The following RERE variants were observed in gnomAD, a reference collection of about 807,000 sequenced individuals.
RERE encodes arginine-glutamic acid dipeptide repeats.
RERE carries 40 observed loss-of-function variants against 146.1 expected under a neutral mutation model. The ratio of observed to expected loss-of-function variants is 0.27; its 90% CI spans 0.21 to 0.36. The LOEUF (loss-of-function observed/expected upper bound fraction) is 0.36. Among genes scored for constraint, RERE ranks in the 10% least tolerant of loss-of-function variants. RERE has a pLI of 1.00. For synonymous variants in RERE, 1,003 were observed against 866.0 expected (o/e 1.16, Z -2.78); for missense variants, 1,933 against 2,138.7 (o/e 0.90, Z 1.90).
intron 11 of RERE, among the ~76,000 whole-genome samples, chr1:8,462,866 C>A (rs781723349): frequency 2.0e-5 from 3 of 151,974 alleles, no homozygotes; most frequent in South Asian, 4.2e-4. Context: ...TAGCAAGACC[C>A]CCATCTCTTA....
intron 4 of RERE, among the ~76,000 whole-genome samples, chr1:8,604,764 C>CA (rs35416377): frequency 0.01 from 1,554 of 148,752 alleles, 13 homozygotes; most frequent in Non-Finnish European, 0.014. Flanking sequence ...ACGAACTTGC[C>CA]AAAAAAAAAC....
At chr1:8,450,419 C>T (rs1644377041) in intron 11 of RERE, among the ~76,000 whole-genome samples, 2 of 151,928 alleles carry the variant, frequency 1.3e-5, no homozygotes, top group African/African-American at 4.8e-5. Flanking sequence ...CTCCATGGGA[C>T]CTAAATGACC....
chr1:8,456,572 C>T (rs1348879805), intron 11 of RERE, among the ~76,000 whole-genome samples: 1 of 152,160 alleles, frequency 6.6e-6, no homozygotes, highest in Non-Finnish European at 1.5e-5. Context: ...TAGGAGAAAA[C>T]AGAACAGCCC....
chr1:8,679,444 G>C (rs1313367608), intron 1 of RERE, among the ~76,000 whole-genome samples: 2 of 152,126 alleles, frequency 1.3e-5, no homozygotes, highest in Non-Finnish European at 2.9e-5. Flanking sequence ...TAGAATCACA[G>C]GTTCCATTAT....
At chr1:8,598,139 G>T (rs900230070) in intron 4 of RERE, among the ~76,000 whole-genome samples, 1 of 152,208 alleles carries the variant, frequency 6.6e-6, no homozygotes. Flanking sequence ...GTGACAGAAT[G>T]CAAGTGTGTA....
rs12060282 is a variant in RERE, at chr1:8,638,783, A to T, written c.326-14403T>A. ...GAAGGAAACTCATAGACGAAAAAAA[A>T]TTTTTTTTTTTTTTTTTTTTTTTTT... On this transcript the variant is annotated intron_variant, in intron 2 of 22. Transcript: ENST00000400908. Among the ~76,000 whole-genome samples, 349 of 100,380 alleles carry T rather than the reference A, an allele frequency of 3.5e-3. 1 individual carries two copies. The highest frequency in any genetic ancestry group is 0.013 in the African/African-American group (308 of 23,902). The allele number at this position is 100,380 out of a possible 152,430, so 65.9% of individuals were successfully genotyped here.
intron 12 of RERE, among the ~76,000 whole-genome samples, chr1:8,388,135 T>C (rs566126974): frequency 4.6e-5 from 7 of 152,266 alleles, no homozygotes; most frequent in African/African-American, 9.6e-5. Context: ...ACATTTTTCC[T>C]CCATGACTCC....
At chr1:8,684,907 G>A (rs372510498) in intron 1 of RERE, among the ~76,000 whole-genome samples, 1 of 152,302 alleles carries the variant, frequency 6.6e-6, no homozygotes, top group African/African-American at 2.4e-5. Flanking sequence ...GATCCAGGCT[G>A]GAGTGCAGTG....
chr1:8,576,633 G>A (rs1646298525), intron 4 of RERE, among the ~76,000 whole-genome samples: 1 of 152,176 alleles, frequency 6.6e-6, no homozygotes, highest in Non-Finnish European at 1.5e-5. Flanking sequence ...AGATTGAAAT[G>A]TAAAGAATAA....
At chr1:8,373,029 C>T (rs1449875807) in intron 12 of RERE, among the ~76,000 whole-genome samples, 1 of 152,172 alleles carries the variant, frequency 6.6e-6, no homozygotes, top group Admixed American at 6.5e-5. Context: ...CACAGGTCTT[C>T]GAAGCCCACC....
At chr1:8,407,004 ACT>A (rs757599016) in intron 12 of RERE, among the ~76,000 whole-genome samples, 206 of 152,270 alleles carry the variant, frequency 1.4e-3, no homozygotes, top group Non-Finnish European at 2.2e-3. Context: ...ATCAAGAATA[ACT>A]CTGGTTAGAA....
rs191594120 is a variant in RERE, at chr1:8,561,165, C to A, written c.523-3642G>T. Among the ~76,000 whole-genome samples, 150 of 152,284 alleles carry A rather than the reference C, an allele frequency of 9.9e-4. 1 individual carries two copies. Among genetic ancestry groups the A allele is most frequent in the Middle Eastern group, 6.8e-3 (2 of 294 alleles). ...GGTTTATTTGTACCTAGATGTATGACTCCTAATATTATACTTTACAATGGC... is the reference window on the plus strand; with the variant it reads ...GGTTTATTTGTACCTAGATGTATGAATCCTAATATTATACTTTACAATGGC... On this transcript the variant is annotated intron_variant, in intron 4 of 22. Transcript: ENST00000400908.
At chr1:8,795,072 G>C (rs1484482053) in intron 1 of RERE, among the ~76,000 whole-genome samples, 1 of 152,182 alleles carries the variant, frequency 6.6e-6, no homozygotes, top group African/African-American at 2.4e-5. Context: ...CTGTCGCTCA[G>C]GCTGGAGTGC....
At position 8,669,024 on chromosome 1, in the gene RERE, CTGTGTGTGTGTGTGTG is replaced by C. The variant is rs59647434; in HGVS notation, c.-144-12599_-144-12584del. Among the ~76,000 whole-genome samples, 222 of 43,836 alleles carry C rather than the reference CTGTGTGTGTGTGTGTG, an allele frequency of 5.1e-3. 11 individuals are homozygous for C. Among genetic ancestry groups the C allele is most frequent in the African/African-American group, 0.015 (165 of 11,240 alleles). The allele number at this position is 43,836 out of a possible 152,430, so 28.8% of individuals were successfully genotyped here. A position where few individuals can be genotyped will look rare whatever the true frequency, so the allele number is the denominator to read the frequency against. ...TGAATATTCTAAAATGCACTCAACT[CTGTGTGTGTGTGTGTG>C]TGTGTGTGTGTGTGTGTGTGTGTGT... On this transcript the variant is annotated intron_variant, in intron 1 of 22. Transcript: ENST00000400908.
chr1:8,726,147 C>CTTTTCTTTTTTTTTTTTT (rs1639960710), intron 1 of RERE, among the ~76,000 whole-genome samples: 26 of 69,400 alleles, frequency 3.7e-4, no homozygotes, highest in African/African-American at 1.6e-3. Context: ...TTTTTCTTTT[C>CTTTTCTTTTTTTTTTTTT]TTTTTTTTTT....
intron 4 of RERE, among the ~76,000 whole-genome samples, chr1:8,578,057 C>T (rs1336170758): frequency 6.6e-6 from 1 of 151,642 alleles, no homozygotes; most frequent in Non-Finnish European, 1.5e-5. Flanking sequence ...CGCCATTGCA[C>T]TCCAGCCTGG....
At chr1:8,678,359 T>C (rs1638889344) in intron 1 of RERE, among the ~76,000 whole-genome samples, 2 of 151,824 alleles carry the variant, frequency 1.3e-5, no homozygotes, top group South Asian at 2.1e-4. Context: ...AAAATTAAAT[T>C]ATGGGGCCAG....
intron 7 of RERE, among the ~76,000 whole-genome samples, chr1:8,521,962 T>C (rs1416753717): frequency 2.6e-5 from 4 of 152,226 alleles, no homozygotes; most frequent in Non-Finnish European, 5.9e-5. Context: ...CTCAAAGAAG[T>C]TTGATAGAAA....
intron 2 of RERE, among the ~76,000 whole-genome samples, chr1:8,627,304 C>G (rs1239222208): frequency 6.6e-6 from 1 of 152,084 alleles, no homozygotes; most frequent in African/African-American, 2.4e-5. Flanking sequence ...CTTCCCCGTA[C>G]TCACCAAGGA....
Sources: gnomAD v4.1 joint callset for allele counts (sites outside exome capture counted in the v4.1 genomes callset) on GRCh38, gnomAD v4.1.1 for gene constraint, MANE v1.5 for transcripts, NCBI Gene and HGNC (gene_info 2026-07-23, HGNC 2026-07-21) for gene names.